The following ORC5 variants were observed in gnomAD, a reference collection of about 807,000 sequenced individuals.
The protein encoded by ORC5 is protein phosphatase 1, regulatory subunit 117.
In ORC5, 39 loss-of-function variants were observed where a neutral mutation model predicts 58.8. That is an observed-to-expected ratio of 0.66 (90% CI 0.51 to 0.87). The LOEUF is 0.87. ORC5 is among the 40% of genes least tolerant of loss of function. The probability of loss-of-function intolerance (pLI) is 0.00; values close to 1 mark genes in which losing one functional copy is unlikely to be tolerated. For missense variants in ORC5, 493 were observed against 506.3 expected, an observed-to-expected ratio of 0.97 and a Z score of 0.25; for synonymous variants, 218 against 177.6, an observed-to-expected ratio of 1.23 and a Z score of -1.81.
At chr7:104,130,549 C>G (rs761057595) in intron 13 of ORC5, among the ~76,000 whole-genome samples, 2 of 152,220 alleles carry the variant, frequency 1.3e-5, no homozygotes, top group Non-Finnish European at 2.9e-5. Flanking sequence ...TCCCCATCCT[C>G]TTTGTCGCCA....
At position 104,199,099 on chromosome 7, in the gene ORC5, G is replaced by A. The variant is rs149432114; in HGVS notation, c.367-1300C>T. ...ATGTCCAGGCAGAAGTTGGCTGTAG[G>A]TGCAGGGCCCTCATGGAGAACCTCT... is the stretch of plus-strand genomic sequence containing the variant. On this transcript the variant is annotated intron_variant, in intron 3 of 13. Coordinates refer to ENST00000297431, the MANE Select transcript of ORC5 (RefSeq NM_002553.4). Among the ~76,000 whole-genome samples, 82 of 152,328 alleles carry A rather than the reference G, an allele frequency of 5.4e-4. No homozygotes were observed. In the East Asian group the frequency reaches 0.015, roughly 28 times the overall value.
intron 1 of ORC5, among the ~76,000 whole-genome samples, chr7:104,206,635 A>G (rs1301318353): frequency 6.6e-6 from 1 of 152,256 alleles, no homozygotes; most frequent in Non-Finnish European, 1.5e-5. Context: ...GACAGAGGGT[A>G]GTACTTTTCC....
intron 8 of ORC5, among the ~76,000 whole-genome samples, chr7:104,180,672 A>C (rs1374521746): frequency 6.6e-6 from 1 of 152,212 alleles, no homozygotes; most frequent in Non-Finnish European, 1.5e-5. Flanking sequence ...ATATTAAATG[A>C]TTAAATTTAT....
chr7:104,137,924 A>C (rs1355958124), intron 12 of ORC5, among the ~76,000 whole-genome samples: 1 of 152,230 alleles, frequency 6.6e-6, no homozygotes, highest in Non-Finnish European at 1.5e-5. Flanking sequence ...AATAAGGCAG[A>C]GGGTCTAATT....
chr7:104,203,709 G>A (rs1178503770), intron 2 of ORC5, among the ~76,000 whole-genome samples: 1 of 152,140 alleles, frequency 6.6e-6, no homozygotes, highest in African/African-American at 2.4e-5. Context: ...CTCATGAAAG[G>A]TCTTATACAA....
intron 2 of ORC5, among the ~76,000 whole-genome samples, chr7:104,203,062 A>C (rs1799984236): frequency 6.6e-6 from 1 of 152,236 alleles, no homozygotes; most frequent in African/African-American, 2.4e-5. Flanking sequence ...GTATAAGTAG[A>C]AGAAAACCTG....
At chr7:104,148,430 A>G (rs956598992) in intron 12 of ORC5, among the ~76,000 whole-genome samples, 1 of 152,192 alleles carries the variant, frequency 6.6e-6, no homozygotes, top group Non-Finnish European at 1.5e-5. Context: ...GTATGCTGGA[A>G]AAGTAAGAAA....
intron 12 of ORC5, among the ~76,000 whole-genome samples, chr7:104,144,547 G>A (rs1479277675): frequency 3.3e-5 from 5 of 152,210 alleles, no homozygotes; most frequent in Non-Finnish European, 7.3e-5. Flanking sequence ...CCTGAGGTCA[G>A]GAGTTCGAGA....
At chr7:104,184,449 AC>A (rs1799500968) in intron 6 of ORC5, 1 of 336,654 alleles carries the variant, frequency 3.0e-6, no homozygotes, top group Admixed American at 4.4e-5. Context: ...ACATGGCAAG[AC>A]CCTGCTTCTT....
At chr7:104,143,040 T>G (rs930048289) in intron 12 of ORC5, among the ~76,000 whole-genome samples, 8 of 152,214 alleles carry the variant, frequency 5.3e-5, no homozygotes, top group Non-Finnish European at 1.0e-4. Flanking sequence ...CTAAGTATAT[T>G]AACTTCAACC....
At chr7:104,156,195 G>A (rs17325265) in intron 12 of ORC5, among the ~76,000 whole-genome samples, 1 of 54,958 alleles carries the variant, frequency 1.8e-5, no homozygotes, top group Non-Finnish European at 8.2e-5. Context: ...AATGACCCAA[G>A]ATAATGACTG....
At chr7:104,189,405 T>C (rs1359234143) in intron 5 of ORC5, among the ~76,000 whole-genome samples, 4 of 152,050 alleles carry the variant, frequency 2.6e-5, no homozygotes, top group Non-Finnish European at 5.9e-5. Flanking sequence ...GCACCCATGA[T>C]TCAATTACCT....
chr7:104,173,675 T>C (rs1454815293), intron 8 of ORC5, among the ~76,000 whole-genome samples: 1 of 152,140 alleles, frequency 6.6e-6, no homozygotes, highest in African/African-American at 2.4e-5. Flanking sequence ...CTTTTTGCCT[T>C]TTCTGGCAAT....
chr7:104,157,526 C>A (rs1214124797), intron 12 of ORC5, among the ~76,000 whole-genome samples: 2 of 152,024 alleles, frequency 1.3e-5, no homozygotes, highest in African/African-American at 4.8e-5. Context: ...CATTAACAGA[C>A]AAAGATACAT....
intron 6 of ORC5, among the ~76,000 whole-genome samples, chr7:104,186,978 AT>A (rs1375501289): frequency 6.6e-6 from 1 of 152,240 alleles, no homozygotes; most frequent in African/African-American, 2.4e-5. Flanking sequence ...CTCTCTTTAC[AT>A]TTTATTTTCC....
intron 12 of ORC5, among the ~76,000 whole-genome samples, chr7:104,148,619 T>G (rs1249370713): frequency 6.6e-6 from 1 of 152,198 alleles, no homozygotes; most frequent in African/African-American, 2.4e-5. Context: ...TGTATGAGTT[T>G]GATGTCACAA....
At chr7:104,153,515 T>A (rs1798878365) in intron 12 of ORC5, among the ~76,000 whole-genome samples, 1 of 152,166 alleles carries the variant, frequency 6.6e-6, no homozygotes, top group South Asian at 2.1e-4. Context: ...AAAAACATAG[T>A]AAGATTATTA....
chr7:104,187,758 TACCAG>T, intron 6 of ORC5: 1 of 976,420 alleles, frequency 1.0e-6, no homozygotes, highest in Non-Finnish European at 1.2e-6. Context: ...ATACAAAGAT[TACCAG>T]CTCAGGGTCA....
At chr7:104,160,699 T>C (rs2115849113) in intron 12 of ORC5, among the ~76,000 whole-genome samples, 1 of 152,240 alleles carries the variant, frequency 6.6e-6, no homozygotes, top group South Asian at 2.1e-4. Flanking sequence ...AAGAACATTG[T>C]AGATTACTCT....
Sources: gnomAD v4.1 joint callset for allele counts (sites outside exome capture counted in the v4.1 genomes callset) on GRCh38, gnomAD v4.1.1 for gene constraint, MANE v1.5 for transcripts, NCBI Gene and HGNC (gene_info 2026-07-23, HGNC 2026-07-21) for gene names.